SYNE2: variants seen among roughly 807,000 people sequenced by gnomAD.
SYNE2 encodes the protein spectrin repeat containing nuclear envelope protein 2.
A neutral mutation model predicts 856.3 loss-of-function variants in SYNE2; 431 were observed. The ratio of observed to expected loss-of-function variants is 0.50; its 90% CI spans 0.47 to 0.55. The LOEUF is 0.55. Ranked by LOEUF, SYNE2 falls within the 20% of genes least tolerant of loss-of-function variation. SYNE2 has a pLI of 0.00. For synonymous variants in SYNE2, 2,923 were observed against 2,872.3 expected, an observed-to-expected ratio of 1.02 and a Z score of -0.56; for missense variants, 8,129 against 8,023.2, an observed-to-expected ratio of 1.01 and a Z score of -0.50.
chr14:63,899,207 GT>G (rs35398211), intron 1 of SYNE2, among the ~76,000 whole-genome samples: 17 of 146,546 alleles, frequency 1.2e-4, no homozygotes, highest in Admixed American at 2.7e-4. Flanking sequence ...TCATCCTTAA[GT>G]TTTTTTTTTT....
At chr14:63,786,206 C>T (rs1048068926) in intron 1 of SYNE2, among the ~76,000 whole-genome samples, 2 of 150,566 alleles carry the variant, frequency 1.3e-5, no homozygotes, top group Admixed American at 6.7e-5. Context: ...ACTGAGATCA[C>T]ACCACTGCAC....
At chr14:64,185,519 C>CTTTTTTTTTTTTTTTTTTTTTTTTTTTT (rs66490444) in intron 96 of SYNE2, among the ~76,000 whole-genome samples, 6 of 77,462 alleles carry the variant, frequency 7.7e-5, no homozygotes, top group African/African-American at 1.6e-4. Flanking sequence ...TTTTCTTTTT[C>CTTTTTTTTTTTTTTTTTTTTTTTTTTTT]TTTTTTTTTT....
chr14:64,209,546 A>G lies in SYNE2; in HGVS notation c.18508A>G (p.Thr6170Ala). ...ACPNSSEVLYTSAKEELKRFE... is the reference protein window; with the variant it reads ...ACPNSSEVLYASAKEELKRFE... ...CCCAAATTCCTCAGAGGTGTTGTAC[A>G]CGAGTGCCAAAGAGGAACTGAAGAG... The change falls in exon 102 of 116, where the codon ACG (threonine) becomes GCG (alanine). Residue 6170 changes from threonine to alanine, a missense_variant. Around this residue, in one of 3 missense-constraint regions of SYNE2, gnomAD observed 5,410 missense variants for 5,284.8 expected, o/e 1.02. Transcript: ENST00000555002. 1 of 1,614,212 alleles carries G rather than the reference A, an allele frequency of 6.2e-7. No homozygotes were observed. The highest frequency in any genetic ancestry group is 8.5e-7 in the Non-Finnish European group (1 of 1,180,038).
At chr14:63,976,200 C>A (rs760117330) in intron 11 of SYNE2, among the ~76,000 whole-genome samples, 10 of 152,184 alleles carry the variant, frequency 6.6e-5, no homozygotes, top group Non-Finnish European at 1.3e-4. Flanking sequence ...TCAGAGCACA[C>A]AAGGACATAC....
Position 64,223,249 on chromosome 14 carries a change from A to G in SYNE2, c.20251A>G (p.Asn6751Asp), listed in dbSNP as rs1368986946. 2 of 1,614,076 alleles carry G rather than the reference A, an allele frequency of 1.2e-6. No homozygotes were observed. Among genetic ancestry groups the G allele is most frequent in the Admixed American group, 3.3e-5 (2 of 60,000 alleles). Residue 6751 changes from asparagine (N) to aspartate (D), a missense_variant, in exon 113 of 116, where the codon AAC (asparagine) becomes GAC (aspartate). Physicochemically the swap from Asn to Asp is conservative, Grantham distance 23 (BLOSUM62 1). Transcript: ENST00000555002. ...AGTGGACATGTTACAGGAGATTTCA[A>G]ACAGCCTTCTCATTAAGGGACATGG... ...PQVDMLQEIS[N>D]SLLIKGHGED...
At chr14:64,181,207 C>T (rs1284621959) in intron 96 of SYNE2, among the ~76,000 whole-genome samples, 1 of 151,966 alleles carries the variant, frequency 6.6e-6, no homozygotes, top group African/African-American at 2.4e-5. Context: ...GAAAATGATT[C>T]TAACATTTCA....
Position 64,029,912 on chromosome 14 carries a change from G to A in SYNE2, c.6732G>A (p.Leu2244=), listed in dbSNP as rs1442241383. 1.9e-6 allele frequency: 3 copies of A among 1,613,780 alleles called. No individual in the cohort carries two copies. The highest frequency in any genetic ancestry group is 2.7e-5 in the African/African-American group (2 of 75,016). ...LQQLQDSVQN[L]DGHVREHDSY... The stretch of plus-strand genomic sequence containing the variant: ...ATTTTTAGGATTCTGTGCAAAACTT[G>A]GACGGTCACGTTCGAGAACATGATT... Residue 2244 remains leucine, a synonymous_variant, in exon 44 of 116, where the codon TTG becomes TTA. Coordinates refer to ENST00000555002, the MANE Select transcript of SYNE2 (RefSeq NM_182914.3).
At position 64,031,272 on chromosome 14, in the gene SYNE2, A is replaced by G. The variant is rs373587564; in HGVS notation, c.7136A>G (p.Glu2379Gly). The stretch of plus-strand genomic sequence containing the variant: ...GGAAAGTTTACTCTGCCAGGCAGAG[A>G]GAAGCAGGCCACTTCTGATGTGCAG... The part of the protein sequence containing the change: ...KKGKFTLPGR[E>G]KQATSDVQES... Residue 2379 changes from glutamate (E) to glycine (G), a missense_variant, in exon 45 of 116, where the codon GAG becomes GGG. Coordinates refer to ENST00000555002, the MANE Select transcript of SYNE2 (RefSeq NM_182914.3). The G allele has an allele frequency of 6.2e-7, 1 of 1,614,196 alleles. No individual in the cohort carries two copies. Among genetic ancestry groups the G allele is most frequent in the Non-Finnish European group, 8.5e-7 (1 of 1,180,040 alleles).
intron 64 of SYNE2, among the ~76,000 whole-genome samples, chr14:64,104,322 G>T (rs1383863444): frequency 6.6e-6 from 1 of 151,482 alleles, no homozygotes; most frequent in Admixed American, 6.6e-5. Flanking sequence ...TCTTAATTCT[G>T]TTCTTCCCTG....
chr14:64,022,834 A>G lies in SYNE2; in HGVS notation c.5608A>G (p.Ser1870Gly). The change falls in exon 38 of 116, where the codon AGT becomes GGT. Residue 1870 changes from serine to glycine, a missense_variant. Ser to Gly is a moderately conservative substitution (Grantham distance 56). This residue lies in a region of SYNE2 where 2,422 missense variants were observed against 2,357.4 expected (regional missense o/e 1.03). Transcript: ENST00000555002. ...TTTTGAATCATCAGAAACAAAAAAG[A>G]GTGTGGAACAAAAGCTACAAAAACT... ...ECFESSETKKSVEQKLQKLSD... is the reference protein window; with the variant it reads ...ECFESSETKKGVEQKLQKLSD... 6.2e-7 allele frequency: 1 copy of G among 1,608,532 alleles called. No homozygotes were observed. The highest frequency in any genetic ancestry group is 1.3e-5 in the African/African-American group (1 of 74,828).
At chr14:64,035,491 T>C (rs1157614082) in intron 45 of SYNE2, among the ~76,000 whole-genome samples, 1 of 148,952 alleles carries the variant, frequency 6.7e-6, no homozygotes, top group African/African-American at 2.5e-5. Flanking sequence ...TATGCCTTAA[T>C]GGGATAACCA....
chr14:63,776,899 C>G (rs185026868), intron 1 of SYNE2, among the ~76,000 whole-genome samples: 1 of 152,280 alleles, frequency 6.6e-6, no homozygotes, highest in Non-Finnish European at 1.5e-5. Flanking sequence ...CCATGCCCAG[C>G]CAAAACTGGA....
rs543769205 is a variant in SYNE2 at position 64,018,344 on chromosome 14, A to G, written c.5049+588A>G. ...AACCTCCGCCTCCTAGGTTCACATG[A>G]TTCTCCTGCCTCAGCCTCCTGAGTA... On this transcript the variant is annotated intron_variant, in intron 34 of 115. Transcript: ENST00000555002. Among the ~76,000 whole-genome samples the G allele has an allele frequency of 1.2e-4, 19 of 152,186 alleles. No homozygotes were observed. In the East Asian group the frequency reaches 3.7e-3, roughly 29 times the overall value.
intron 9 of SYNE2, among the ~76,000 whole-genome samples, chr14:63,962,112 A>G (rs2096325895): frequency 6.6e-6 from 1 of 151,598 alleles, no homozygotes; most frequent in Admixed American, 6.6e-5. Flanking sequence ...GCTGTAGTGC[A>G]GTGGCGCGAT....
intron 7 of SYNE2, among the ~76,000 whole-genome samples, chr14:63,950,308 C>A (rs569611277): frequency 2.6e-5 from 4 of 152,156 alleles, no homozygotes; most frequent in Non-Finnish European, 5.9e-5. Flanking sequence ...AATCCCAGCA[C>A]TTTGGGAGGC....
At chr14:64,215,656 G>T (rs988090068) in intron 107 of SYNE2, 1 of 518,208 alleles carries the variant, frequency 1.9e-6, no homozygotes, top group African/African-American at 1.9e-5. Context: ...AAGTCCTTTG[G>T]CATGGGCCAA....
intron 84 of SYNE2, among the ~76,000 whole-genome samples, chr14:64,151,768 G>T (rs2098246318): frequency 6.6e-6 from 1 of 152,196 alleles, no homozygotes; most frequent in African/African-American, 2.4e-5. Flanking sequence ...CCCTCTGAAT[G>T]CCAAAGATCT....
At chr14:63,881,442 A>T (rs1403947554) in intron 1 of SYNE2, among the ~76,000 whole-genome samples, 1 of 151,910 alleles carries the variant, frequency 6.6e-6, no homozygotes, top group Admixed American at 6.6e-5. Context: ...TGAAGACAGG[A>T]GTTTGAGACC....
At chr14:64,202,245 T>A (rs1237514463) in intron 99 of SYNE2, 1 of 702,328 alleles carries the variant, frequency 1.4e-6, no homozygotes, top group Admixed American at 2.0e-5. Context: ...TACGGCTGGG[T>A]GAACCCCTCA....
Sources: allele counts gnomAD v4.1 joint callset (sites outside exome capture counted in the v4.1 genomes callset), GRCh38; gene constraint gnomAD v4.1.1; regional missense constraint gnomAD v4.1.1; transcripts MANE v1.5; gene names NCBI Gene and HGNC (gene_info 2026-07-23, HGNC 2026-07-21).